The following XKR6 variants were observed in gnomAD, a reference collection of about 807,000 sequenced individuals.
XKR6 encodes the protein XK related 6.
XKR6 carries 22 observed loss-of-function variants against 56.7 expected under a neutral mutation model. The ratio of observed to expected loss-of-function variants is 0.39; its 90% CI spans 0.28 to 0.55. The LOEUF is 0.55. Ranked by LOEUF, XKR6 falls within the 20% of genes least tolerant of loss-of-function variation. The pLI is 0.66. For missense variants in XKR6, 852 were observed against 889.0 expected (o/e 0.96, Z 0.53); for synonymous variants, 524 against 387.8 (o/e 1.35, Z -4.13).
intron 1 of XKR6, among the ~76,000 whole-genome samples, chr8:11,084,153 C>G (rs950452306): frequency 2.6e-5 from 4 of 152,228 alleles, no homozygotes; most frequent in African/African-American, 9.7e-5. Flanking sequence ...TGGGTATCTT[C>G]CAGATCGGAC....
At chr8:11,062,916 T>C in intron 1 of XKR6, 1 of 450,514 alleles carries the variant, frequency 2.2e-6, no homozygotes, top group South Asian at 1.6e-5. Flanking sequence ...CCACAGGTAA[T>C]TCTCTATTCT....
intron 1 of XKR6, among the ~76,000 whole-genome samples, chr8:10,945,397 T>C (rs1335811436): frequency 6.6e-6 from 1 of 152,044 alleles, no homozygotes; most frequent in Non-Finnish European, 1.5e-5. Context: ...GGCAGGATAA[T>C]TGCTTGAACT....
At chr8:10,946,147 C>T (rs1801531278) in intron 1 of XKR6, among the ~76,000 whole-genome samples, 2 of 152,060 alleles carry the variant, frequency 1.3e-5, no homozygotes, top group South Asian at 4.2e-4. Context: ...TGTCACTCTG[C>T]CTGCAGGTTT....
intron 1 of XKR6, among the ~76,000 whole-genome samples, chr8:11,019,652 C>T (rs1021120769): frequency 3.1e-4 from 47 of 152,192 alleles, no homozygotes; most frequent in Non-Finnish European, 4.9e-4. Flanking sequence ...GCAGCTGGCT[C>T]TGACCGCCAA....
At chr8:11,012,653 C>T (rs1051569591) in intron 1 of XKR6, among the ~76,000 whole-genome samples, 1 of 150,560 alleles carries the variant, frequency 6.6e-6, no homozygotes, top group African/African-American at 2.4e-5. Context: ...GCCCCCTCCA[C>T]TGTCCTCTCC....
At chr8:10,973,314 T>C (rs1470207408) in intron 1 of XKR6, among the ~76,000 whole-genome samples, 1 of 152,182 alleles carries the variant, frequency 6.6e-6, no homozygotes, top group Non-Finnish European at 1.5e-5. Flanking sequence ...GTCATCAAAA[T>C]GCCCACTGCC....
chr8:11,024,776 C>T (rs866848461), intron 1 of XKR6, among the ~76,000 whole-genome samples: 1 of 152,258 alleles, frequency 6.6e-6, no homozygotes, highest in Non-Finnish European at 1.5e-5. Flanking sequence ...GAACTGATCC[C>T]TCTTAAAGAC....
chr8:11,191,509 A>G (rs1249257923), intron 1 of XKR6, among the ~76,000 whole-genome samples: 1 of 152,218 alleles, frequency 6.6e-6, no homozygotes, highest in African/African-American at 2.4e-5. Context: ...GCCTACTGAT[A>G]TGATGCCAAC....
chr8:11,198,285 C>T (rs957211983), intron 1 of XKR6, among the ~76,000 whole-genome samples: 1 of 152,040 alleles, frequency 6.6e-6, no homozygotes, highest in African/African-American at 2.4e-5. Flanking sequence ...TCAAGCAAAA[C>T]CATCTAACTG....
At chr8:11,185,927 T>C (rs1233775688) in intron 1 of XKR6, among the ~76,000 whole-genome samples, 3 of 152,258 alleles carry the variant, frequency 2.0e-5, no homozygotes, top group African/African-American at 7.2e-5. Flanking sequence ...TAGTTACCTG[T>C]TTGAGCTGAT....
intron 1 of XKR6, among the ~76,000 whole-genome samples, chr8:10,996,421 TTTC>T (rs1798114518): frequency 6.6e-6 from 1 of 152,230 alleles, no homozygotes; most frequent in Non-Finnish European, 1.5e-5. Flanking sequence ...TTCTGCTTTT[TTTC>T]TTACCTTCTT....
At chr8:10,999,428 G>T (rs908110990) in intron 1 of XKR6, among the ~76,000 whole-genome samples, 6 of 152,220 alleles carry the variant, frequency 3.9e-5, no homozygotes, top group Admixed American at 1.3e-4. Flanking sequence ...AATAAAATGA[G>T]GCAAAATGTT....
chr8:11,030,815 C>G (rs1246583979), intron 1 of XKR6, among the ~76,000 whole-genome samples: 1 of 152,174 alleles, frequency 6.6e-6, no homozygotes, highest in Non-Finnish European at 1.5e-5. Flanking sequence ...CCAATGCCCT[C>G]ATCTGAAAGC....
intron 1 of XKR6, among the ~76,000 whole-genome samples, chr8:11,019,961 T>A (rs1402994643): frequency 6.6e-6 from 1 of 152,076 alleles, no homozygotes; most frequent in Non-Finnish European, 1.5e-5. Flanking sequence ...GAACCGCCAC[T>A]GATAATCCAC....
At chr8:11,163,535 A>G (rs900357250) in intron 1 of XKR6, among the ~76,000 whole-genome samples, 1 of 152,230 alleles carries the variant, frequency 6.6e-6, no homozygotes, top group African/African-American at 2.4e-5. Flanking sequence ...ATAGGTAACT[A>G]CGACAAAATG....
At chr8:11,015,012 G>A (rs1798586075) in intron 1 of XKR6, among the ~76,000 whole-genome samples, 1 of 152,190 alleles carries the variant, frequency 6.6e-6, no homozygotes, top group African/African-American at 2.4e-5. Context: ...AGCCGAAGAA[G>A]CAGACGTGAG....
At chr8:11,191,701 G>GA (rs145736616) in intron 1 of XKR6, among the ~76,000 whole-genome samples, 6,577 of 83,390 alleles carry the variant, frequency 0.079, 180 homozygotes, top group Middle Eastern at 0.18. Flanking sequence ...AATGTCATGA[G>GA]AAAAAAAAAA....
chr8:11,142,554 G>T (rs1563169906), intron 1 of XKR6, among the ~76,000 whole-genome samples: 1 of 152,120 alleles, frequency 6.6e-6, no homozygotes, highest in South Asian at 2.1e-4. Flanking sequence ...GTGAGTTATT[G>T]CTCTGAGTTC....
intron 1 of XKR6, among the ~76,000 whole-genome samples, chr8:10,928,542 C>A (rs1475683023): frequency 6.6e-6 from 1 of 152,150 alleles, no homozygotes; most frequent in Non-Finnish European, 1.5e-5. Flanking sequence ...TCTGAGGCTG[C>A]GCTGCCAGCC....
Sources: allele counts gnomAD v4.1 joint callset (sites outside exome capture counted in the v4.1 genomes callset), GRCh38; gene constraint gnomAD v4.1.1; transcripts MANE v1.5; gene names NCBI Gene and HGNC (gene_info 2026-07-23, HGNC 2026-07-21).